The following SRSF11 variants were observed in gnomAD, a reference collection of about 807,000 sequenced individuals.
The protein encoded by SRSF11 is serine/arginine-rich splicing factor 11.
SRSF11 carries 9 observed loss-of-function variants against 56.0 expected under a neutral mutation model. The ratio of observed to expected loss-of-function variants is 0.16; its 90% CI spans 0.10 to 0.28. The LOEUF is 0.28. SRSF11 is among the 10% of genes least tolerant of loss of function. The pLI is 1.00. For synonymous variants in SRSF11, 222 were observed against 215.3 expected (o/e 1.03, Z -0.27); for missense variants, 421 against 600.7 (o/e 0.70, Z 3.13).
chr1:70,228,835 T>C (rs1672355220), intron 2 of SRSF11: 2 of 1,093,428 alleles, frequency 1.8e-6, no homozygotes, highest in Admixed American at 4.7e-5. Context: ...ATACATCTAC[T>C]TAGTTAATTT....
Position 70,250,270 on chromosome 1 carries a change from G to C in SRSF11, c.1119-95G>C, listed in dbSNP as rs1192255628. ...TTACTTCTCCAAGGTTTTGAAGTTGGATCTTTGCTGTACTACTTATATCCT... is the reference window on the plus strand; with the variant it reads ...TTACTTCTCCAAGGTTTTGAAGTTGCATCTTTGCTGTACTACTTATATCCT... On this transcript the variant is annotated intron_variant, in intron 10 of 11. Transcript: ENST00000370949. 4 of 1,540,820 alleles carry C rather than the reference G, an allele frequency of 2.6e-6. No homozygotes were observed. The African/African-American group carries it at 4.2e-5, about 16-fold the overall frequency.
chr1:70,233,251 GT>G (rs1673228741), intron 3 of SRSF11, among the ~76,000 whole-genome samples: 1 of 150,956 alleles, frequency 6.6e-6, no homozygotes, highest in African/African-American at 2.4e-5. Context: ...GTTTGTTTTT[GT>G]TTTTTTGAGA....
At chr1:70,230,899 C>T (rs1200603597) in intron 2 of SRSF11, 1 of 1,190,110 alleles carries the variant, frequency 8.4e-7, no homozygotes, top group African/African-American at 1.6e-5. Context: ...CATTACTGCC[C>T]TATATCTAAA....
chr1:70,223,760 G>A (rs1427678452), intron 1 of SRSF11, among the ~76,000 whole-genome samples: 1 of 152,114 alleles, frequency 6.6e-6, no homozygotes, highest in Admixed American at 6.5e-5. Flanking sequence ...TTAACTATAA[G>A]TTTCAATACA....
At chr1:70,221,917 C>T (rs979149444) in intron 1 of SRSF11, 78 bp downstream of exon 1, 8 of 1,557,424 alleles carry the variant, frequency 5.1e-6, no homozygotes, top group Admixed American at 1.8e-5. Context: ...CCTTAGGCCC[C>T]TGTCGCTGCT....
At chr1:70,249,410 G>A (rs3767206) in intron 9 of SRSF11, 17,881 of 152,280 alleles carry the variant, frequency 0.12, 1,243 homozygotes, top group East Asian at 0.3. Flanking sequence ...CTCAAGCTTA[G>A]TATTTCTAAC....
At chr1:70,239,394 T>C (rs1451283190) in intron 6 of SRSF11, 45 bp from the exon 7 acceptor site, 1 of 1,413,962 alleles carries the variant, frequency 7.1e-7, no homozygotes, top group Non-Finnish European at 9.8e-7. Flanking sequence ...GTCTGGCCCC[T>C]ATTTAATAAC....
intron 3 of SRSF11, among the ~76,000 whole-genome samples, chr1:70,233,211 TTTTG>T (rs1464929265): frequency 3.3e-5 from 5 of 151,856 alleles, no homozygotes; most frequent in African/African-American, 4.8e-5. Context: ...TTCTGTTTTG[TTTTG>T]TTTTTTTTTG....
chr1:70,221,714 C>CGGCGGA lies in SRSF11; in HGVS notation c.84_89dup (p.Gly30_Gly31dup). The CGGCGGA allele has an allele frequency of 6.2e-7, 1 of 1,613,460 alleles. No homozygotes were observed. Among genetic ancestry groups the CGGCGGA allele is most frequent in the Non-Finnish European group, 8.5e-7 (1 of 1,179,612 alleles). ...GGCCCGGTGGCGGAGGTGGTGGTGG[C>CGGCGGA]GGCGGAGGCGGCGGCACCGAGGTAA... On this transcript the variant is annotated inframe_insertion, in exon 1 of 12. Transcript: ENST00000370949.
chr1:70,216,828 T>C (rs534242447), upstream of SRSF11, among the ~76,000 whole-genome samples: 2 of 152,224 alleles, frequency 1.3e-5, no homozygotes, highest in Non-Finnish European at 2.9e-5. Context: ...TTGAACCTTC[T>C]CTGTGCATAC....
intron 1 of SRSF11, among the ~76,000 whole-genome samples, chr1:70,224,969 C>T (rs908617493): frequency 2.0e-5 from 3 of 152,156 alleles, no homozygotes; most frequent in African/African-American, 7.2e-5. Flanking sequence ...TTTACAAGTT[C>T]GTGAACTGAA....
rs1255563163 is a variant in SRSF11, at chr1:70,252,584, AAAAG to A, written c.*1782_*1785del. 5.8e-3 allele frequency: 4 copies of A among 686 alleles called. No individual in the cohort carries two copies. The highest frequency in any genetic ancestry group is 0.026 in the Admixed American group (1 of 38). 0.0% of individuals were successfully genotyped at this position (686 alleles called of 1,614,324 possible). On this transcript the variant is annotated 3_prime_UTR_variant, in exon 12 of 12. Transcript: ENST00000370949. ...AAGTAACTTTTTAAAGATTTTATCA[AAAAG>A]AATTGTCTATAGTGAGTAAAAGAAG...
intron 2 of SRSF11, 185 bp downstream of exon 2, chr1:70,228,740 G>C (rs929813752): frequency 7.9e-7 from 1 of 1,271,246 alleles, no homozygotes; most frequent in Non-Finnish European, 9.9e-7. Flanking sequence ...AATTAGGTCT[G>C]TTATTATAAG....
upstream of SRSF11, chr1:70,220,700 C>T (rs1670456213): frequency 2.0e-5 from 3 of 151,918 alleles, 1 homozygote; most frequent in South Asian, 2.1e-4. Flanking sequence ...AAATACAAAA[C>T]TTAGCCTGGC....
Position 70,221,459 on chromosome 1 carries a change from CGCGGCGTGCGGCGGGGCGGAGAA to C in SRSF11, c.-177_-155del, listed in dbSNP as rs1311325869. ...GCTCGCGCGCTCTCATCCCCTCCCCCGCGGCGTGCGGCGGGGCGGAGAAACGGCGGCGGCGGCGGCGGCATCGG... is the reference window on the plus strand; with the variant it reads ...GCTCGCGCGCTCTCATCCCCTCCCCCACGGCGGCGGCGGCGGCGGCATCGG... On this transcript the variant is annotated 5_prime_UTR_variant, in exon 1 of 12. Transcript: ENST00000370949. The C allele has an allele frequency of 5.4e-6, 5 of 934,190 alleles. No individual in the cohort carries two copies. Among genetic ancestry groups the C allele is most frequent in the Non-Finnish European group, 8.0e-6 (5 of 624,520 alleles). The allele number at this position is 934,190 out of a possible 1,614,324, so 57.9% of individuals were successfully genotyped here.
chr1:70,237,690 A>G, intron 6 of SRSF11, 138 bp downstream of exon 6: 1 of 1,210,626 alleles, frequency 8.3e-7, no homozygotes, highest in Admixed American at 2.7e-5. Flanking sequence ...GTGGAGTGCC[A>G]CTCAGACGTA....
At chr1:70,232,825 A>T (rs192422314) in intron 3 of SRSF11, among the ~76,000 whole-genome samples, 1 of 152,082 alleles carries the variant, frequency 6.6e-6, no homozygotes, top group Admixed American at 6.5e-5. Context: ...TTCTTGATGG[A>T]GATGTTTGAT....
At chr1:70,236,731 G>A (rs1157284104) in intron 5 of SRSF11, among the ~76,000 whole-genome samples, 2 of 147,058 alleles carry the variant, frequency 1.4e-5, no homozygotes, top group African/African-American at 5.0e-5. Context: ...CTCTGCCTCA[G>A]TTCCTCCCCA....
At chr1:70,218,312 T>C (rs1204267920), upstream of SRSF11, among the ~76,000 whole-genome samples, 1 of 152,226 alleles carries the variant, frequency 6.6e-6, no homozygotes, top group African/African-American at 2.4e-5. Flanking sequence ...TTAAATTCAG[T>C]AATTTTTTGT....
Sources: gnomAD v4.1 joint callset for allele counts (sites outside exome capture counted in the v4.1 genomes callset) on GRCh38, gnomAD v4.1.1 for gene constraint, MANE v1.5 for transcripts, NCBI Gene and HGNC (gene_info 2026-07-23, HGNC 2026-07-21) for gene names.